Variants in TRPV2 observed in about 807,000 individuals in gnomAD.
TRPV2 encodes OTRPC2.
Under a neutral mutation model 91.0 loss-of-function variants are expected in TRPV2, and 58 were observed. That is an observed-to-expected ratio of 0.64 (90% confidence interval 0.52 to 0.79). The LOEUF is 0.79. Ranked by LOEUF, TRPV2 falls within the 30% of genes least tolerant of loss-of-function variation. The pLI, the probability that TRPV2 is intolerant of heterozygous loss-of-function variation, is 0.00. For synonymous variants in TRPV2, 417 were observed against 414.8 expected, an observed-to-expected ratio of 1.01 and a Z score of -0.06; for missense variants, 807 against 969.6, an observed-to-expected ratio of 0.83 and a Z score of 2.23.
intron 10 of TRPV2, among the ~76,000 whole-genome samples, chr17:16,430,421 CTTATT>C (rs1480211415): frequency 1.3e-5 from 2 of 151,426 alleles, no homozygotes; most frequent in Non-Finnish European, 2.9e-5. Context: ...TAATGTCTGG[CTTATT>C]TTACTCAGTA....
chr17:16,423,845 CAGGGGGTGGTGA>C lies in TRPV2; in HGVS notation c.924+81_924+92del, dbSNP rs1281267398. 204 of 1,433,590 alleles carry C rather than the reference CAGGGGGTGGTGA, an allele frequency of 1.4e-4. No homozygotes were observed. The Admixed American group carries it at 4.8e-3, about 34-fold the overall frequency. The allele number at this position is 1,433,590 out of a possible 1,614,324, so 88.8% of individuals were successfully genotyped here. On this transcript the variant is annotated intron_variant, in intron 5 of 14. Transcript: ENST00000338560. ...TCCCAAAATTTCTGCAGAAAGAACC[CAGGGGGTGGTGA>C]AGAGCAGTGGCTTCTCTGCTTTTCA...
chr17:16,426,393 ATG>A lies in TRPV2; in HGVS notation c.1095+126_1095+127del. The A allele has an allele frequency of 8.1e-7, 1 of 1,240,366 alleles. No individual in the cohort carries two copies. The highest frequency in any genetic ancestry group is 1.1e-6 in the Non-Finnish European group (1 of 897,452). 76.8% of individuals were successfully genotyped at this position (1,240,366 alleles called of 1,614,324 possible). ...CCTGTGCCAGTGGGGGTGTGGCTGC[ATG>A]TCCCAGCAGGCACGACCCTGACCAT... On this transcript the variant is annotated intron_variant, in intron 6 of 14. Coordinates refer to ENST00000338560, the MANE Select transcript of TRPV2 (RefSeq NM_016113.5). The surrounding 1 kb of genome is among the most constrained non-coding windows in gnomAD (Gnocchi z 6.0).
In TRPV2 at chr17:16,428,958, C is replaced by T; in HGVS notation, c.1563C>T (p.Gly521=). Residue 521 remains glycine, a synonymous_variant, in exon 10 of 15, where the codon GGC becomes GGT. Transcript: ENST00000338560. ...ATACACGTGGCTTCCAGCACACAGGCATCTACAGTGTCATGATCCAGAAGG... is the reference window on the plus strand; with the variant it reads ...ATACACGTGGCTTCCAGCACACAGGTATCTACAGTGTCATGATCCAGAAGG... The part of the protein sequence containing the change: ...LYYTRGFQHT[G]IYSVMIQKVI... 2 of 1,614,158 alleles carry T rather than the reference C, an allele frequency of 1.2e-6. No homozygotes were observed. The highest frequency in any genetic ancestry group is 1.7e-6 in the Non-Finnish European group (2 of 1,180,034).
rs201685191 is a variant in TRPV2, at chr17:16,432,085, G to A, written c.1774G>A (p.Gly592Ser). 4.2e-5 allele frequency: 68 copies of A among 1,614,082 alleles called. No homozygotes were observed. Among genetic ancestry groups the A allele is most frequent in the Non-Finnish European group, 5.7e-5 (67 of 1,180,030 alleles). Residue 592 changes from glycine to serine, a missense_variant, in exon 12 of 15, where the codon GGT (glycine) becomes AGT (serine). By Grantham distance (56) the Gly-to-Ser change is moderately conservative (BLOSUM62 0). Coordinates refer to ENST00000338560, the MANE Select transcript of TRPV2 (RefSeq NM_016113.5). Reference sequence around the variant, plus strand: ...CGAGGGCAACGGGGCCCAGTACAGGGGTATCCTGGAAGCCTCCTTGGAGCT... The same window carrying A: ...CGAGGGCAACGGGGCCCAGTACAGGAGTATCCTGGAAGCCTCCTTGGAGCT... The part of the protein sequence containing the change: ...EDEGNGAQYR[G>S]ILEASLELFK...
chr17:16,422,040 C>T (rs1338670998), intron 3 of TRPV2, among the ~76,000 whole-genome samples: 2 of 151,758 alleles, frequency 1.3e-5, no homozygotes, highest in Non-Finnish European at 2.9e-5. Flanking sequence ...CGCAGTGGCT[C>T]ACGCCTGTAA....
At chr17:16,419,015 T>C (rs2093343931) in intron 2 of TRPV2, among the ~76,000 whole-genome samples, 1 of 151,042 alleles carries the variant, frequency 6.6e-6, no homozygotes, top group Non-Finnish European at 1.5e-5. Context: ...TGGGTGTCAG[T>C]GTGACTCTGT....
chr17:16,422,513 G>C (rs1234203975), intron 3 of TRPV2, 86 bp from the exon 4 acceptor site: 1 of 1,392,786 alleles, frequency 7.2e-7, no homozygotes, highest in African/African-American at 1.4e-5. Context: ...GGGGTACTTT[G>C]AGCTGGGCTT....
At chr17:16,433,075 C>T (rs1371755354) in intron 12 of TRPV2, among the ~76,000 whole-genome samples, 1 of 152,150 alleles carries the variant, frequency 6.6e-6, no homozygotes, top group Non-Finnish European at 1.5e-5. Flanking sequence ...AAAGTGCTGG[C>T]ATTACAGGCA....
chr17:16,431,936 G>A lies in TRPV2; in HGVS notation c.1655-30G>A, dbSNP rs547418156. 3 of 1,610,968 alleles carry A rather than the reference G, an allele frequency of 1.9e-6. No homozygotes were observed. In the Admixed American group the frequency reaches 5.0e-5, roughly 27 times the overall value. On this transcript the variant is annotated intron_variant, in intron 11 of 14. Transcript: ENST00000338560. ...CCAAGGCTGCCCACCGGTCTCCTGGGCTAAGGACCCCTCTCCCTTCATCCC... is the reference window on the plus strand; with the variant it reads ...CCAAGGCTGCCCACCGGTCTCCTGGACTAAGGACCCCTCTCCCTTCATCCC...
intron 10 of TRPV2, among the ~76,000 whole-genome samples, chr17:16,431,046 T>G (rs555525978): frequency 1.4e-3 from 200 of 144,126 alleles, no homozygotes; most frequent in African/African-American, 4.0e-3. Flanking sequence ...GGTTTTTTTT[T>G]TTTGTTTTTT....
chr17:16,428,788 A>G, intron 9 of TRPV2, 29 bp from the exon 10 acceptor site: 4 of 1,611,968 alleles, frequency 2.5e-6, no homozygotes, highest in Non-Finnish European at 3.4e-6. Flanking sequence ...AGTGGCCCGC[A>G]AGCCCACCTG....
Position 16,423,679 on chromosome 17 carries a change from G to C in TRPV2, c.836G>C (p.Arg279Pro). 6.2e-7 allele frequency: 1 copy of C among 1,614,072 alleles called. No homozygotes were observed. The highest frequency in any genetic ancestry group is 8.5e-7 in the Non-Finnish European group (1 of 1,180,002). Residue 279 changes from arginine (R) to proline (P), a missense_variant, in exon 5 of 15, where the codon CGC becomes CCC. Coordinates refer to ENST00000338560, the MANE Select transcript of TRPV2 (RefSeq NM_016113.5). ...GATGGGCTCCTCCAAGCTGGGGCCC[G>C]CCTCTGCCCTACCGTGCAGCTTGAG... ...MYDGLLQAGA[R>P]LCPTVQLEDI...
At chr17:16,429,107 C>T in intron 10 of TRPV2, 125 bp downstream of exon 10, 2 of 1,090,676 alleles carry the variant, frequency 1.8e-6, no homozygotes, top group Non-Finnish European at 2.6e-6. Context: ...CACTCAGATG[C>T]TTGCTGGATG....
intron 3 of TRPV2, among the ~76,000 whole-genome samples, chr17:16,422,100 C>T (rs1036222990): frequency 1.3e-5 from 2 of 151,612 alleles, no homozygotes; most frequent in South Asian, 2.1e-4. Context: ...ATCAGGAGAT[C>T]GAGACCATCC....
rs2093428272 is a variant in TRPV2 at position 16,434,781 on chromosome 17, C to T, written c.2115-109C>T. 20 of 1,042,240 alleles carry T rather than the reference C, an allele frequency of 1.9e-5. No individual in the cohort carries two copies. The South Asian group carries it at 2.8e-4, about 15-fold the overall frequency. The allele number at this position is 1,042,240 out of a possible 1,614,324, so 64.6% of individuals were successfully genotyped here. ...GTCCTCCTCAGGGCCTCTGTGTCCA[C>T]CAGAGCATCTCTGCATAGTCTCCCA... On this transcript the variant is annotated intron_variant, in intron 13 of 14. Transcript: ENST00000338560.
Position 16,431,523 on chromosome 17 carries a change from T to G in TRPV2, c.1588-261T>G, listed in dbSNP as rs571365301. Among the ~76,000 whole-genome samples the G allele has an allele frequency of 1.4e-3, 216 of 151,928 alleles. 5 individuals are homozygous for G. The East Asian group carries it at 0.021, about 15-fold the overall frequency. On this transcript the variant is annotated intron_variant, in intron 10 of 14. Transcript: ENST00000338560. ...CATGTTGGCCAGGCTGGTCTTGAAC[T>G]CCCAACCTCAGGTAATCTGCCCGCC... is the stretch of plus-strand genomic sequence containing the variant.
chr17:16,431,701 T>C (rs1412145738), intron 10 of TRPV2, 83 bp from the exon 11 acceptor site: 2 of 1,286,178 alleles, frequency 1.6e-6, no homozygotes, highest in Non-Finnish European at 2.3e-6. Context: ...ACGGGAACCA[T>C]GCTGCTGTGG....
chr17:16,430,191 T>C (rs1224218261), intron 10 of TRPV2, among the ~76,000 whole-genome samples: 3 of 152,020 alleles, frequency 2.0e-5, no homozygotes, highest in African/African-American at 7.2e-5. Flanking sequence ...TTTTAAAGTA[T>C]ACAGCTAAGT....
chr17:16,426,685 G>T lies in TRPV2; in HGVS notation c.1096-37G>T, dbSNP rs758324425. The T allele has an allele frequency of 6.3e-7, 1 of 1,596,688 alleles. No individual in the cohort carries two copies. On this transcript the variant is annotated intron_variant, in intron 6 of 14. Transcript: ENST00000338560. The surrounding 1 kb of genome is among the most constrained non-coding windows in gnomAD (Gnocchi z 6.0). ...TGGAGTGGGCAGCCTATTTGCACTT[G>T]TTGAGTGTACCCATGGCTCTCCCCT...
Sources: allele counts gnomAD v4.1 joint callset (sites outside exome capture counted in the v4.1 genomes callset), GRCh38; gene constraint gnomAD v4.1.1; non-coding constraint Gnocchi (gnomAD v3.1); transcripts MANE v1.5; gene names NCBI Gene and HGNC (gene_info 2026-07-23, HGNC 2026-07-21).